HGF: variants seen among roughly 807,000 people sequenced by gnomAD.
The protein encoded by HGF is fibroblast-derived tumor cytotoxic factor.
A neutral mutation model predicts 111.6 loss-of-function variants in HGF; 39 were observed. The ratio of observed to expected loss-of-function variants is 0.35; its 90% CI spans 0.27 to 0.46. The LOEUF (loss-of-function observed/expected upper bound fraction) is 0.46. HGF is among the 20% of genes least tolerant of loss of function. The pLI is 1.00. For missense variants in HGF, 735 were observed against 910.5 expected, an observed-to-expected ratio of 0.81 and a Z score of 2.48; for synonymous variants, 285 against 294.8, an observed-to-expected ratio of 0.97 and a Z score of 0.34.
rs3815224 is a variant in HGF, at chr7:81,726,356, T to C, written c.1041-339A>G. On this transcript the variant is annotated intron_variant, in intron 8 of 17. Transcript: ENST00000222390. ...TCTCAATTGGTACCATTTCAAAACA[T>C]TGGCCTGTTATTTATTACATGTTCA... is the stretch of plus-strand genomic sequence containing the variant. 0.011 allele frequency among the ~76,000 whole-genome samples: 1,741 copies of C among 152,290 alleles called. 53 individuals carry two copies. Among genetic ancestry groups the C allele is most frequent in the East Asian group, 0.087 (452 of 5,178 alleles).
At chr7:81,768,105 T>G (rs1789453706) in intron 1 of HGF, among the ~76,000 whole-genome samples, 1 of 152,204 alleles carries the variant, frequency 6.6e-6, no homozygotes, top group African/African-American at 2.4e-5. Flanking sequence ...CAGTCATTTC[T>G]ACATTAGGCA....
At chr7:81,703,845 G>T (rs1238728375) in intron 17 of HGF, among the ~76,000 whole-genome samples, 1 of 151,492 alleles carries the variant, frequency 6.6e-6, no homozygotes, top group African/African-American at 2.4e-5. Context: ...CCAAGTTAGG[G>T]GTAAAGTAGA....
At chr7:81,706,502 T>G in intron 14 of HGF, 75 bp from the exon 15 acceptor site, 1 of 1,191,840 alleles carries the variant, frequency 8.4e-7, no homozygotes, top group South Asian at 1.2e-5. Flanking sequence ...TATCTATTGT[T>G]ATTTTAGACT....
chr7:81,757,022 C>A, intron 4 of HGF, 167 bp downstream of exon 4: 2 of 617,640 alleles, frequency 3.2e-6, no homozygotes, highest in South Asian at 2.0e-5. Flanking sequence ...ATTAATTAAT[C>A]ATTTGCTAAA....
intron 13 of HGF, among the ~76,000 whole-genome samples, chr7:81,708,528 T>TTG (rs1254700142): frequency 8.1e-6 from 1 of 123,746 alleles, no homozygotes; most frequent in African/African-American, 3.2e-5. Context: ...TTCCTTCTTT[T>TTG]TTTTTTTTTT....
chr7:81,717,402 T>C (rs1193695420), intron 10 of HGF, 37 bp from the exon 11 acceptor site: 3 of 1,595,484 alleles, frequency 1.9e-6, no homozygotes, highest in African/African-American at 2.7e-5. Flanking sequence ...CACAAGATGC[T>C]CATTCCATCC....
rs1583913647 is a variant in HGF, at chr7:81,705,543, G to A, written c.1865-8C>T. The stretch of plus-strand genomic sequence containing the variant: ...GGCCATCATAGTTGATCACTAGATT[G>A]ATGCAAAAAACATACAATAAGGTGA... On this transcript the variant is annotated splice_region_variant and splice_polypyrimidine_tract_variant and intron_variant, in intron 16 of 17. Transcript: ENST00000222390. 1.2e-6 allele frequency: 2 copies of A among 1,611,716 alleles called. No homozygotes were observed.
chr7:81,765,777 C>T (rs75977042), intron 1 of HGF, among the ~76,000 whole-genome samples: 6,527 of 152,232 alleles, frequency 0.043, 315 homozygotes, highest in African/African-American at 0.12. Flanking sequence ...CAACTTTCTC[C>T]TCCATATGTA....
In HGF at chr7:81,702,559, G is replaced by A. The variant is rs756957205; in HGVS notation, c.*22C>T. 9.5e-6 allele frequency: 15 copies of A among 1,585,226 alleles called. No homozygotes were observed. Among genetic ancestry groups the A allele is most frequent in the Non-Finnish European group, 1.2e-5 (14 of 1,154,724 alleles). On this transcript the variant is annotated 3_prime_UTR_variant, in exon 18 of 18. Coordinates refer to ENST00000222390, the MANE Select transcript of HGF (RefSeq NM_000601.6). The stretch of plus-strand genomic sequence containing the variant: ...GTAAAAGACAGTTGTATTGGTGGGT[G>A]CTTCAGACACACTTACTTCAGCTAT...
rs539383503 is a variant in HGF at position 81,706,783 on chromosome 7, CAG to C, written c.1617-358_1617-357del. On this transcript the variant is annotated intron_variant, in intron 14 of 17. Coordinates refer to ENST00000222390, the MANE Select transcript of HGF (RefSeq NM_000601.6). ...GCTGTGTATATATTTGGTTTGGTAA[CAG>C]GGGTTGAAGTTTTCTACAAACAAAA... is the stretch of plus-strand genomic sequence containing the variant. 9.2e-5 allele frequency among the ~76,000 whole-genome samples: 14 copies of C among 151,882 alleles called. No homozygotes were observed. The East Asian group carries it at 2.7e-3, about 30-fold the overall frequency.
At chr7:81,751,690 G>T (rs758004208) in intron 5 of HGF, 14 of 1,029,850 alleles carry the variant, frequency 1.4e-5, no homozygotes, top group Non-Finnish European at 1.6e-5. Flanking sequence ...ATATACCCTT[G>T]TCACACCACT....
chr7:81,709,199 T>C (rs773111572), intron 13 of HGF, among the ~76,000 whole-genome samples: 1 of 151,978 alleles, frequency 6.6e-6, no homozygotes. Context: ...AGGTTGAAAT[T>C]TGAAGGAGAA....
At chr7:81,709,111 G>T (rs1204413092) in intron 13 of HGF, among the ~76,000 whole-genome samples, 2 of 152,092 alleles carry the variant, frequency 1.3e-5, no homozygotes, top group Non-Finnish European at 2.9e-5. Flanking sequence ...TTTAATAATA[G>T]TAACAGACAT....
chr7:81,720,723 T>G, intron 10 of HGF, 22 bp downstream of exon 10: 1 of 1,362,238 alleles, frequency 7.3e-7, no homozygotes, highest in South Asian at 1.2e-5. Flanking sequence ...TTCTATATAT[T>G]GAAAGGAAGA....
At chr7:81,745,162 C>A (rs1279615284) in intron 5 of HGF, 42 bp from the exon 6 acceptor site, 19 of 1,606,772 alleles carry the variant, frequency 1.2e-5, no homozygotes, top group Non-Finnish European at 1.6e-5. Context: ...TTTCTGACAG[C>A]AAAATCAAAA....
At chr7:81,732,779 G>C (rs1787708377) in intron 7 of HGF, among the ~76,000 whole-genome samples, 1 of 152,076 alleles carries the variant, frequency 6.6e-6, no homozygotes, top group African/African-American at 2.4e-5. Context: ...ACTGATAAAG[G>C]CTAAACATAT....
At chr7:81,756,985 A>G (rs1788805566) in intron 4 of HGF, 2 of 595,264 alleles carry the variant, frequency 3.4e-6, no homozygotes, top group East Asian at 5.6e-5. Context: ...AAGGTAAGAT[A>G]TTGTTTTGGC....
intron 8 of HGF, among the ~76,000 whole-genome samples, chr7:81,726,942 A>G (rs535457455): frequency 4.6e-5 from 7 of 152,032 alleles, no homozygotes; most frequent in African/African-American, 1.4e-4. Context: ...TTAATATTCA[A>G]TCTTTTGGAA....
intron 2 of HGF, among the ~76,000 whole-genome samples, chr7:81,762,114 T>C (rs1789116184): frequency 6.6e-6 from 1 of 152,198 alleles, no homozygotes; most frequent in Admixed American, 6.5e-5. Flanking sequence ...ACACAGGGAC[T>C]GTCAAAAGAC....
Sources: gnomAD v4.1 joint callset for allele counts (sites outside exome capture counted in the v4.1 genomes callset) on GRCh38, gnomAD v4.1.1 for gene constraint, MANE v1.5 for transcripts, NCBI Gene and HGNC (gene_info 2026-07-23, HGNC 2026-07-21) for gene names.